SCN9A: variants seen among roughly 807,000 people sequenced by gnomAD.
SCN9A encodes the protein sodium voltage-gated channel alpha subunit 9.
In SCN9A, 131 loss-of-function variants were observed where a neutral mutation model predicts 187.0. The ratio of observed to expected loss-of-function variants is 0.70; its 90% confidence interval spans 0.61 to 0.81. The LOEUF is 0.81. Ranked by LOEUF, SCN9A falls within the 30% of genes least tolerant of loss-of-function variation. The probability of loss-of-function intolerance (pLI) is 0.00; values close to 1 mark genes in which losing one functional copy is unlikely to be tolerated. For missense variants in SCN9A, 2,252 were observed against 2,396.6 expected (o/e 0.94, Z 1.26); for synonymous variants, 809 against 808.6 (o/e 1.00, Z -0.01).
intron 24 of SCN9A, among the ~76,000 whole-genome samples, chr2:166,221,549 T>C (rs1679569404): frequency 6.6e-6 from 1 of 152,094 alleles, no homozygotes; most frequent in African/African-American, 2.4e-5. Flanking sequence ...TATAGGTGTG[T>C]GCCATCATGC....
intron 7 of SCN9A, among the ~76,000 whole-genome samples, chr2:166,295,830 T>C (rs1698275675): frequency 6.6e-6 from 1 of 152,242 alleles, no homozygotes; most frequent in Non-Finnish European, 1.5e-5. Flanking sequence ...TCACCTTTCA[T>C]GGTATTCTTT....
At chr2:166,254,538 C>T (rs1443520902) in intron 17 of SCN9A, among the ~76,000 whole-genome samples, 1 of 151,110 alleles carries the variant, frequency 6.6e-6, no homozygotes, top group Non-Finnish European at 1.5e-5. Context: ...TAGGCATCAC[C>T]ATATTTAAGT....
intron 7 of SCN9A, among the ~76,000 whole-genome samples, chr2:166,295,472 A>G (rs1280138279): frequency 2.0e-5 from 3 of 152,146 alleles, no homozygotes; most frequent in Non-Finnish European, 4.4e-5. Context: ...GGTATAGCCT[A>G]TTGCTCCTGG....
intron 1 of SCN9A, among the ~76,000 whole-genome samples, chr2:166,340,835 C>A (rs1699769204): frequency 6.6e-6 from 1 of 151,834 alleles, no homozygotes; most frequent in Non-Finnish European, 1.5e-5. Context: ...GTTGCCCCGG[C>A]TGGTCTTGAA....
intron 24 of SCN9A, among the ~76,000 whole-genome samples, chr2:166,222,670 C>T (rs1283306769): frequency 5.7e-5 from 8 of 139,800 alleles, no homozygotes; most frequent in East Asian, 2.1e-4. Flanking sequence ...TGGTGGCTCA[C>T]GCCTGTAATC....
At chr2:166,307,992 G>C (rs185496131) in intron 2 of SCN9A, among the ~76,000 whole-genome samples, 7 of 152,150 alleles carry the variant, frequency 4.6e-5, no homozygotes, top group Non-Finnish European at 8.8e-5. Flanking sequence ...ATTTCTCACC[G>C]TATTCAGGAG....
intron 16 of SCN9A, among the ~76,000 whole-genome samples, chr2:166,273,444 T>C (rs1334069190): frequency 7.7e-6 from 1 of 129,340 alleles, no homozygotes; most frequent in Non-Finnish European, 1.8e-5. Flanking sequence ...TACTGCTTAA[T>C]GTGACTTTTA....
At chr2:166,290,251 C>G (rs973098739) in intron 9 of SCN9A, among the ~76,000 whole-genome samples, 2 of 152,158 alleles carry the variant, frequency 1.3e-5, no homozygotes, top group Middle Eastern at 3.4e-3. Flanking sequence ...TGATCTCATT[C>G]TTTTTTAATG....
chr2:166,354,344 T>C (rs1700104712), intron 1 of SCN9A, among the ~76,000 whole-genome samples: 1 of 139,004 alleles, frequency 7.2e-6, no homozygotes, highest in South Asian at 2.1e-4. Flanking sequence ...TTAGGTTTAA[T>C]TAAAGTAGCT....
At chr2:166,292,192 A>G (rs12477876) in intron 9 of SCN9A, among the ~76,000 whole-genome samples, 12,071 of 152,146 alleles carry the variant, frequency 0.079, 597 homozygotes, top group Admixed American at 0.16. Context: ...GTCTAATATT[A>G]AGAATCTACA....
rs201354058 is a variant in SCN9A, at chr2:166,305,858, C to G, written c.530G>C (p.Cys177Ser). Residue 177 changes from cysteine to serine, a missense_variant, in exon 5 of 27, where the codon TGT (cysteine) becomes TCT (serine). Cys to Ser is a moderately radical substitution (Grantham distance 112). Coordinates refer to ENST00000642356, the MANE Select transcript of SCN9A (RefSeq NM_001365536.1). Reference sequence around the variant, plus strand: ...ACGAAGAAAAGTGAATTCTCCTACACAGAAGCCTCTTGCAAGGATTTTTAC... The same window carrying G: ...ACGAAGAAAAGTGAATTCTCCTACAGAGAAGCCTCTTGCAAGGATTTTTAC... Reference protein sequence around the residue: ...SLVKILARGFCVGEFTFLRDP... With the variant: ...SLVKILARGFSVGEFTFLRDP... The G allele has an allele frequency of 1.8e-5, 29 of 1,613,262 alleles. No homozygotes were observed. The highest frequency in any genetic ancestry group is 2.1e-5 in the Non-Finnish European group (25 of 1,179,570).
At chr2:166,227,529 C>T in intron 23 of SCN9A, 141 bp downstream of exon 23, 1 of 648,006 alleles carries the variant, frequency 1.5e-6, no homozygotes, top group Non-Finnish European at 2.8e-6. Context: ...GTACTCACAA[C>T]CACTAGGCTA....
intron 16 of SCN9A, among the ~76,000 whole-genome samples, chr2:166,274,320 CAA>C (rs1185029840): frequency 2.0e-5 from 3 of 152,034 alleles, no homozygotes; most frequent in African/African-American, 7.2e-5. Flanking sequence ...TCATGTTAAA[CAA>C]GAGAAGAAAT....
intron 17 of SCN9A, among the ~76,000 whole-genome samples, chr2:166,264,215 T>C (rs1361584418): frequency 6.6e-6 from 1 of 151,978 alleles, no homozygotes; most frequent in East Asian, 1.9e-4. Flanking sequence ...TAAATATTTA[T>C]TGACAAATGG....
intron 1 of SCN9A, chr2:166,321,522 CA>C (rs5836096): frequency 0.074 from 10,167 of 137,860 alleles, 815 homozygotes; most frequent in African/African-American, 0.22. Context: ...GACCCTGTCT[CA>C]AAAAAAAAAA....
At chr2:166,210,839 C>A (rs549407123) in intron 24 of SCN9A, among the ~76,000 whole-genome samples, 2 of 152,076 alleles carry the variant, frequency 1.3e-5, no homozygotes, top group Non-Finnish European at 2.9e-5. Flanking sequence ...GGGAGTGGAT[C>A]ACCTGAGGTC....
intron 1 of SCN9A, among the ~76,000 whole-genome samples, chr2:166,348,413 T>G (rs985204341): frequency 6.6e-6 from 1 of 152,190 alleles, no homozygotes; most frequent in Non-Finnish European, 1.5e-5. Flanking sequence ...GAACTCAGAA[T>G]AGAGTAACAT....
intron 19 of SCN9A, among the ~76,000 whole-genome samples, chr2:166,239,191 C>G (rs6704800): frequency 0.011 from 1,558 of 147,730 alleles, 25 homozygotes; most frequent in African/African-American, 0.036. Context: ...CCACTGCACT[C>G]CAGCCTGGGC....
chr2:166,202,127 C>A (rs981148778), intron 26 of SCN9A, among the ~76,000 whole-genome samples: 1 of 150,744 alleles, frequency 6.6e-6, no homozygotes, highest in Non-Finnish European at 1.5e-5. Context: ...TATTTTTTGT[C>A]TTTCAACCTT....
Sources: gnomAD v4.1 joint callset for allele counts (sites outside exome capture counted in the v4.1 genomes callset) on GRCh38, gnomAD v4.1.1 for gene constraint, MANE v1.5 for transcripts, NCBI Gene and HGNC (gene_info 2026-07-23, HGNC 2026-07-21) for gene names.